The following ZSCAN10 variants were observed in gnomAD, a reference collection of about 807,000 sequenced individuals.
The protein encoded by ZSCAN10 is zinc finger and SCAN domain containing 10.
A neutral mutation model predicts 63.7 loss-of-function variants in ZSCAN10; 52 were observed. That is an observed-to-expected ratio of 0.82 (90% CI 0.65 to 1.03). The LOEUF is 1.03. Among genes scored for constraint, ZSCAN10 ranks in the 50% least tolerant of loss-of-function variants. The probability of loss-of-function intolerance (pLI) is 0.00; values close to 1 mark genes in which losing one functional copy is unlikely to be tolerated. For synonymous variants in ZSCAN10, 544 were observed against 479.6 expected, an observed-to-expected ratio of 1.13 and a Z score of -1.76; for missense variants, 1,223 against 1,103.8, an observed-to-expected ratio of 1.11 and a Z score of -1.53.
intron 3 of ZSCAN10, 34 bp downstream of exon 3, chr16:3,092,015 C>A: frequency 6.5e-7 from 1 of 1,549,694 alleles, no homozygotes; most frequent in Non-Finnish European, 8.7e-7. Flanking sequence ...CCGCGACACC[C>A]AGTCCTTGGC....
rs977525002 is a variant in ZSCAN10 at position 3,088,953 on chromosome 16, C to T, written c.*138G>A. On this transcript the variant is annotated 3_prime_UTR_variant, in exon 6 of 6. Coordinates refer to ENST00000576985, the MANE Select transcript of ZSCAN10 (RefSeq NM_032805.3). ...CATAGCTGAGGCCAGAAAGCAATGC[C>T]TCGGCCAGGGAAGGACAGCTGTGAA... is the stretch of plus-strand genomic sequence containing the variant. The T allele has an allele frequency of 4.4e-6, 6 of 1,363,618 alleles. No individual in the cohort carries two copies. The highest frequency in any genetic ancestry group is 5.6e-6 in the Non-Finnish European group (6 of 1,063,062). 84.5% of individuals were successfully genotyped at this position (1,363,618 alleles called of 1,614,324 possible).
rs754522615 is a variant in ZSCAN10, at chr16:3,089,845, G to T, written c.1589C>A (p.Ala530Asp). Residue 530 changes from alanine to aspartate, a missense_variant, in exon 6 of 6, where the codon GCC (alanine) becomes GAC (aspartate). Physicochemically the swap from Ala to Asp is moderately radical, Grantham distance 126. Coordinates refer to ENST00000576985, the MANE Select transcript of ZSCAN10 (RefSeq NM_032805.3). The part of the protein sequence containing the change: ...RPFVCSDCGK[A>D]FRRSEHLVAH... ...CACCAGGTGCTCGCTGCGCCGGAAG[G>T]CCTTGCCGCAGTCGCTGCACACGAA... 3.2e-6 allele frequency: 5 copies of T among 1,549,654 alleles called. No individual in the cohort carries two copies. The East Asian group carries it at 7.2e-5, about 22-fold the overall frequency.
Position 3,092,130 on chromosome 16 carries a change from C to G in ZSCAN10, c.583G>C (p.Gly195Arg). 1.2e-6 allele frequency: 2 copies of G among 1,612,872 alleles called. No individual in the cohort carries two copies. The highest frequency in any genetic ancestry group is 1.7e-6 in the Non-Finnish European group (2 of 1,179,362). ...GAACTTGGGGGAAGCCTCCACTGTC[C>G]CGGCTCAGCAGGCTGGGCAGCCCTT... ...QPRAAQPAEP[G>R]QWRLPPSSKQ... Residue 195 changes from glycine to arginine, a missense_variant, in exon 3 of 6, where the codon GGA (glycine) becomes CGA (arginine). Transcript: ENST00000576985.
At position 3,089,547 on chromosome 16, in the gene ZSCAN10, C is replaced by T. The variant is rs780073125; in HGVS notation, c.1887G>A (p.Thr629=). Residue 629 remains threonine (T), a synonymous_variant, in exon 6 of 6, where the codon ACG becomes ACA. Transcript: ENST00000576985. ...CGCTGCAGCGGCAGGGCTTCTCGCCCGTGTGGCTGCGCTGGTGGCGGGCCA... is the reference window on the plus strand; with the variant it reads ...CGCTGCAGCGGCAGGGCTTCTCGCCTGTGTGGCTGCGCTGGTGGCGGGCCA... ...QDLARHQRSH[T]GEKPCRCSEC... is the part of the protein sequence containing the mutation. The T allele has an allele frequency of 5.2e-5, 83 of 1,600,080 alleles. 1 individual carries two copies. The highest frequency in any genetic ancestry group is 6.7e-5 in the Non-Finnish European group (79 of 1,174,146).
At chr16:3,091,488 C>G in intron 5 of ZSCAN10, 52 bp downstream of exon 5, 1 of 1,590,442 alleles carries the variant, frequency 6.3e-7, no homozygotes, top group Non-Finnish European at 8.6e-7. Flanking sequence ...TTAAAAAAGA[C>G]AAGAAAAGAA....
rs573961182 is a variant in ZSCAN10, at chr16:3,089,328, G to T, written c.2106C>A (p.Asn702Lys). The T allele has an allele frequency of 2.1e-5, 33 of 1,584,932 alleles. No individual in the cohort carries two copies. The highest frequency in any genetic ancestry group is 2.7e-5 in the Non-Finnish European group (32 of 1,171,684). Residue 702 changes from asparagine (N) to lysine (K), a missense_variant, in exon 6 of 6, where the codon AAC (asparagine) becomes AAA (lysine). Transcript: ENST00000576985. ...TAGCCAGGTGCCGCCGCAGATGCGC[G>T]TTGCGCCGGAAGCTGCGACCGCACG... ...CQTCGRSFRR[N>K]AHLRRHLATH...
chr16:3,098,902 C>G (rs2151220088), intron 1 of ZSCAN10, among the ~76,000 whole-genome samples: 1 of 152,368 alleles, frequency 6.6e-6, no homozygotes. Context: ...CCTCCGCGTG[C>G]TGGGCTGAGT....
Position 3,090,379 on chromosome 16 carries a change from C to G in ZSCAN10, c.1055G>C (p.Cys352Ser), listed in dbSNP as rs1238275573. 1.9e-6 allele frequency: 3 copies of G among 1,613,308 alleles called. No individual in the cohort carries two copies. Among genetic ancestry groups the G allele is most frequent in the Non-Finnish European group, 2.5e-6 (3 of 1,179,824 alleles). ...AGACAGCTGCGGGAAGCTCACCCCG[C>G]AGTCCGCGCAGATGAACTGCAACTC... The part of the protein sequence containing the change: ...NPELQFICAD[C>S]GVSFPQLSRL... Residue 352 changes from cysteine to serine, a missense_variant, in exon 6 of 6, where the codon TGC becomes TCC. Physicochemically the swap from Cys to Ser is moderately radical, Grantham distance 112 (BLOSUM62 -1). Coordinates refer to ENST00000576985, the MANE Select transcript of ZSCAN10 (RefSeq NM_032805.3).
At position 3,088,997 on chromosome 16, in the gene ZSCAN10, T is replaced by C; in HGVS notation, c.*94A>G. ...CTGTGAAAGTGGAAGGAGAGGGAAG[T>C]GGGGTGTGGTGGGAAGGGACATTCC... On this transcript the variant is annotated 3_prime_UTR_variant, in exon 6 of 6. Coordinates refer to ENST00000576985, the MANE Select transcript of ZSCAN10 (RefSeq NM_032805.3). 1 of 1,387,264 alleles carries C rather than the reference T, an allele frequency of 7.2e-7. No individual in the cohort carries two copies. Among genetic ancestry groups the C allele is most frequent in the Non-Finnish European group, 9.3e-7 (1 of 1,078,310 alleles). 85.9% of individuals were successfully genotyped at this position (1,387,264 alleles called of 1,614,324 possible).
In ZSCAN10 at chr16:3,089,777, G is replaced by A; in HGVS notation, c.1657C>T (p.Gln553Ter). 6.3e-7 allele frequency: 1 copy of A among 1,595,578 alleles called. No homozygotes were observed. Among genetic ancestry groups the A allele is most frequent in the Non-Finnish European group, 8.5e-7 (1 of 1,177,608 alleles). ...TGCGTGAAGCTGCGGCCGCAAGCCT[G>A]GCAGGAGAAGGGCCGCTCGCCCGTG... The part of the protein sequence containing the change: ...VHTGERPFSC[Q>*]ACGRSFTQSS... The change falls in exon 6 of 6, where the codon CAG becomes TAG. Residue 553 changes from glutamine (Q) to a stop codon, truncating the protein, a stop_gained. Transcript: ENST00000576985. LOFTEE classifies it high-confidence loss of function.
In ZSCAN10 at chr16:3,089,235, G is replaced by A. The variant is rs374850163; in HGVS notation, c.2199C>T (p.Phe733=). 5 of 1,584,914 alleles carry A rather than the reference G, an allele frequency of 3.2e-6. No homozygotes were observed. The highest frequency in any genetic ancestry group is 8.5e-7 in the Non-Finnish European group (1 of 1,172,540). The change falls in exon 6 of 6, where the codon TTC becomes TTT. Residue 733 remains phenylalanine (F), a synonymous_variant. Transcript: ENST00000576985. Reference sequence around the variant, plus strand: ...GTCGCAGCAGATTGCAGCTGCGGCTGAAGCTCTTCCCGCACTCCACGCACT... The same window carrying A: ...GTCGCAGCAGATTGCAGCTGCGGCTAAAGCTCTTCCCGCACTCCACGCACT... The part of the protein sequence containing the change: ...PQECVECGKS[F]SRSCNLLRHL...
In ZSCAN10 at chr16:3,089,468, G is replaced by A; in HGVS notation, c.1966C>T (p.His656Tyr). Residue 656 changes from histidine to tyrosine, a missense_variant, in exon 6 of 6, where the codon CAC (histidine) becomes TAC (tyrosine). By Grantham distance (83) the His-to-Tyr change is moderately conservative. Transcript: ENST00000576985. ...CAGGCGTGGGGCTTCTCCCCTGTGT[G>A]GATGCGCTGGTGGCGCGCCAGGTGG... ...SAHLARHQRI[H>Y]TGEKPHACDT... The A allele has an allele frequency of 6.2e-7, 1 of 1,604,492 alleles. No homozygotes were observed. The highest frequency in any genetic ancestry group is 8.5e-7 in the Non-Finnish European group (1 of 1,177,378).
At chr16:3,095,783 G>T (rs983977983) in intron 1 of ZSCAN10, among the ~76,000 whole-genome samples, 2 of 145,070 alleles carry the variant, frequency 1.4e-5, no homozygotes, top group African/African-American at 5.1e-5. Context: ...AGCCAAGATC[G>T]CGCCACTGCA....
rs973081248 is a variant in ZSCAN10, at chr16:3,089,033, C to T, written c.*58G>A. On this transcript the variant is annotated 3_prime_UTR_variant, in exon 6 of 6. Transcript: ENST00000576985. ...GGGAAGGGACATTCCTGCAGGCCTC[C>T]GCTGTGGAGGACCCCGGGTAGGTGG... 9.1e-6 allele frequency: 13 copies of T among 1,430,000 alleles called. No homozygotes were observed. In the Admixed American group the frequency reaches 1.2e-4, roughly 13 times the overall value. The allele number at this position is 1,430,000 out of a possible 1,614,324, so 88.6% of individuals were successfully genotyped here. A position where few individuals can be genotyped will look rare whatever the true frequency, so the allele number is the denominator to read the frequency against.
At chr16:3,098,876 T>C (rs1179152061) in intron 1 of ZSCAN10, among the ~76,000 whole-genome samples, 1 of 152,186 alleles carries the variant, frequency 6.6e-6, no homozygotes, top group Non-Finnish European at 1.5e-5. Flanking sequence ...GATTTGTTGT[T>C]TGTTGGAGGG....
rs1364896891 is a variant in ZSCAN10, at chr16:3,089,515, C to T, written c.1919G>A (p.Gly640Asp). 1.2e-6 allele frequency: 2 copies of T among 1,603,186 alleles called. No homozygotes were observed. Among genetic ancestry groups the T allele is most frequent in the East Asian group, 2.2e-5 (1 of 44,626 alleles). ...GEKPCRCSECGEGFSQSAHLA... is the reference protein window; with the variant it reads ...GEKPCRCSECDEGFSQSAHLA... ...GTGGGCGCTCTGGCTGAAGCCCTCA[C>T]CGCACTCGCTGCAGCGGCAGGGCTT... The change falls in exon 6 of 6, where the codon GGT (glycine) becomes GAT (aspartate). Residue 640 changes from glycine to aspartate, a missense_variant. Physicochemically the swap from Gly to Asp is moderately conservative, Grantham distance 94. Transcript: ENST00000576985.
At position 3,089,593 on chromosome 16, in the gene ZSCAN10, C is replaced by G; in HGVS notation, c.1841G>C (p.Ser614Thr). ...GGCCAGATCCTGGGTCTGGCCGAAACTCTTCCCGCACTGGGTGCAGTGGTG... is the reference window on the plus strand; with the variant it reads ...GGCCAGATCCTGGGTCTGGCCGAAAGTCTTCCCGCACTGGGTGCAGTGGTG... ...RPHHCTQCGK[S>T]FGQTQDLARH... The change falls in exon 6 of 6, where the codon AGT becomes ACT. Residue 614 changes from serine to threonine, a missense_variant. Ser to Thr is a moderately conservative substitution (Grantham distance 58). Transcript: ENST00000576985. The G allele has an allele frequency of 6.3e-7, 1 of 1,586,844 alleles. No homozygotes were observed. The highest frequency in any genetic ancestry group is 8.6e-7 in the Non-Finnish European group (1 of 1,167,272).
chr16:3,098,974 A>G (rs1306504237), intron 1 of ZSCAN10, among the ~76,000 whole-genome samples: 4 of 152,196 alleles, frequency 2.6e-5, no homozygotes, highest in African/African-American at 9.7e-5. Context: ...TGTCACAGGA[A>G]GTTCTGCGAT....
In ZSCAN10 at chr16:3,089,189, C is replaced by A. The variant is rs185364182; in HGVS notation, c.2245G>T (p.Ala749Ser). 8,283 of 1,577,130 alleles carry A rather than the reference C, an allele frequency of 5.3e-3. 25 individuals are homozygous for A. The highest frequency in any genetic ancestry group is 6.2e-3 in the Non-Finnish European group (7,278 of 1,169,372). Residue 749 changes from alanine to serine, a missense_variant, in exon 6 of 6, where the codon GCC becomes TCC. Ala to Ser is a moderately conservative substitution (Grantham distance 99, BLOSUM62 1). Coordinates refer to ENST00000576985, the MANE Select transcript of ZSCAN10 (RefSeq NM_032805.3). ...LLRHLLVHTG[A>S]RPYSCTQCGR... Reference sequence around the variant, plus strand: ...CACTGCGTGCAGGAGTAGGGCCTGGCGCCCGTGTGCACCAGCAGGTGTCGC... The same window carrying A: ...CACTGCGTGCAGGAGTAGGGCCTGGAGCCCGTGTGCACCAGCAGGTGTCGC...
Sources: gnomAD v4.1 joint callset for allele counts (sites outside exome capture counted in the v4.1 genomes callset) on GRCh38, gnomAD v4.1.1 for gene constraint, MANE v1.5 for transcripts, NCBI Gene and HGNC (gene_info 2026-07-23, HGNC 2026-07-21) for gene names.